The following BBS7 variants were observed in gnomAD, a reference collection of about 807,000 sequenced individuals.
BBS7 encodes the protein BBSome complex member BBS7.
BBS7 carries 50 observed loss-of-function variants against 90.3 expected under a neutral mutation model. The ratio of observed to expected loss-of-function variants is 0.55; its 90% confidence interval spans 0.44 to 0.70. The LOEUF is 0.70. Ranked by LOEUF, BBS7 falls within the 30% of genes least tolerant of loss-of-function variation. The pLI is 0.00. For synonymous variants in BBS7, 235 were observed against 287.4 expected, an observed-to-expected ratio of 0.82 and a Z score of 1.85; for missense variants, 729 against 838.9, an observed-to-expected ratio of 0.87 and a Z score of 1.62.
intron 14 of BBS7, among the ~76,000 whole-genome samples, chr4:121,834,549 T>G (rs1725352933): frequency 6.6e-6 from 1 of 152,236 alleles, no homozygotes; most frequent in African/African-American, 2.4e-5. Flanking sequence ...ATTTCTCATT[T>G]GTAAAATGGA....
At chr4:121,866,950 T>C (rs563564862) in intron 2 of BBS7, among the ~76,000 whole-genome samples, 1 of 152,318 alleles carries the variant, frequency 6.6e-6, no homozygotes, top group South Asian at 2.1e-4. Context: ...AGATTTTTTT[T>C]CTCTTCCTGT....
At chr4:121,852,914 T>C (rs770068689) in intron 8 of BBS7, 42 bp downstream of exon 8, 1 of 1,587,390 alleles carries the variant, frequency 6.3e-7, no homozygotes, top group African/African-American at 1.3e-5. Flanking sequence ...TCTATAATAA[T>C]TTGACAAATA....
intron 18 of BBS7, among the ~76,000 whole-genome samples, chr4:121,826,532 T>A (rs1055577266): frequency 6.6e-6 from 1 of 152,222 alleles, no homozygotes; most frequent in African/African-American, 2.4e-5. Flanking sequence ...TGATGCAAGA[T>A]GTATTTCAGA....
intron 5 of BBS7, among the ~76,000 whole-genome samples, chr4:121,855,826 A>ATATACACATATG (rs1726591670): frequency 6.6e-6 from 1 of 151,626 alleles, no homozygotes; most frequent in Non-Finnish European, 1.5e-5. Flanking sequence ...ATGTATACAT[A>ATATACACATATG]TATACACATA....
intron 3 of BBS7, 26 bp downstream of exon 3, chr4:121,863,191 T>C (rs773815876): frequency 1.2e-6 from 2 of 1,609,458 alleles, no homozygotes; most frequent in South Asian, 2.2e-5. Context: ...GAAAACCATT[T>C]TTCCCCTTCA....
chr4:121,853,296 A>G (rs779323176), intron 7 of BBS7, among the ~76,000 whole-genome samples: 11 of 152,066 alleles, frequency 7.2e-5, no homozygotes, highest in Non-Finnish European at 1.5e-4. Context: ...CCCTACATTT[A>G]TATCTCCCTC....
rs1189752370 is a variant in BBS7 at position 121,852,931 on chromosome 4, A to T, written c.849+25T>A. On this transcript the variant is annotated intron_variant, in intron 8 of 18. Coordinates refer to ENST00000264499, the MANE Select transcript of BBS7 (RefSeq NM_176824.3). ...TATAATAATTTGACAAATAATAAGCATATAGTCTTTTTTAATGAACTTACC... is the reference window on the plus strand; with the variant it reads ...TATAATAATTTGACAAATAATAAGCTTATAGTCTTTTTTAATGAACTTACC... The T allele has an allele frequency of 6.8e-6, 11 of 1,609,074 alleles. No homozygotes were observed. The East Asian group carries it at 2.2e-4, about 33-fold the overall frequency.
intron 8 of BBS7, 141 bp downstream of exon 8, chr4:121,852,815 A>G (rs1406245058): frequency 1.2e-6 from 1 of 850,156 alleles, no homozygotes; most frequent in Non-Finnish European, 1.8e-6. Context: ...TCTAGAGAAG[A>G]TTCTGATAAC....
chr4:121,863,904 A>G (rs1003176808), intron 2 of BBS7, among the ~76,000 whole-genome samples: 6 of 152,228 alleles, frequency 3.9e-5, no homozygotes, highest in Non-Finnish European at 8.8e-5. Flanking sequence ...TCAAAAGTAG[A>G]TATCAAACAA....
chr4:121,852,798 A>G (rs959839580), intron 8 of BBS7, among the ~76,000 whole-genome samples, 158 bp downstream of exon 8: 1 of 152,170 alleles, frequency 6.6e-6, no homozygotes, highest in Non-Finnish European at 1.5e-5. Context: ...TTCAAACACA[A>G]GAGAAGTCTA....
intron 12 of BBS7, among the ~76,000 whole-genome samples, chr4:121,842,580 G>A (rs1052490266): frequency 6.6e-6 from 1 of 151,834 alleles, no homozygotes; most frequent in Non-Finnish European, 1.5e-5. Flanking sequence ...AGGCTGCAGC[G>A]AGCCATGATC....
chr4:121,847,958 A>G (rs1726104103), intron 9 of BBS7, among the ~76,000 whole-genome samples: 1 of 152,140 alleles, frequency 6.6e-6, no homozygotes, highest in Non-Finnish European at 1.5e-5. Flanking sequence ...TGTCTCAAAA[A>G]AAAAGTTTTT....
intron 8 of BBS7, among the ~76,000 whole-genome samples, chr4:121,850,655 G>A (rs184271051): frequency 6.6e-6 from 1 of 152,060 alleles, no homozygotes; most frequent in East Asian, 1.9e-4. Context: ...TTTTAAAAAC[G>A]GCACTGGCAA....
chr4:121,849,544 CAA>C (rs2149073405), intron 8 of BBS7, among the ~76,000 whole-genome samples: 1 of 151,654 alleles, frequency 6.6e-6, no homozygotes, highest in East Asian at 1.9e-4. Flanking sequence ...CTTACATAAG[CAA>C]GGCTGGGCGC....
Position 121,845,685 on chromosome 4 carries a change from T to C in BBS7, c.1049A>G (p.Glu350Gly). 1 of 1,612,190 alleles carries C rather than the reference T, an allele frequency of 6.2e-7. No individual in the cohort carries two copies. Among genetic ancestry groups the C allele is most frequent in the Non-Finnish European group, 8.5e-7 (1 of 1,178,630 alleles). ...NKISSLRNEL[E>G]HLQYKVLQER... ...CTGCAATACCTTATACTGCAAATGT[T>C]CCAACTCATTCCTGGAGAAAAACAC... is the stretch of plus-strand genomic sequence containing the variant. The change falls in exon 11 of 19, where the codon GAA becomes GGA. Residue 350 changes from glutamate to glycine, a missense_variant. Coordinates refer to ENST00000264499, the MANE Select transcript of BBS7 (RefSeq NM_176824.3).
Position 121,852,959 on chromosome 4 carries a change from A to G in BBS7, c.846T>C (p.Asp282=), listed in dbSNP as rs756726859. 1 of 1,613,532 alleles carries G rather than the reference A, an allele frequency of 6.2e-7. No homozygotes were observed. Among genetic ancestry groups the G allele is most frequent in the African/African-American group, 1.3e-5 (1 of 74,918 alleles). The change falls in exon 8 of 19, where the codon GAT becomes GAC. Residue 282 remains aspartate (D), a synonymous_variant. Coordinates refer to ENST00000264499, the MANE Select transcript of BBS7 (RefSeq NM_176824.3). Reference sequence around the variant, plus strand: ...TAGTCTTTTTTAATGAACTTACCTGATCAAATCGTAGAACAGGTTCATTTG... The same window carrying G: ...TAGTCTTTTTTAATGAACTTACCTGGTCAAATCGTAGAACAGGTTCATTTG... ...DNANEPVLRF[D]QMLSESVTSI...
At chr4:121,856,195 T>C (rs1276120159) in intron 5 of BBS7, among the ~76,000 whole-genome samples, 1 of 152,194 alleles carries the variant, frequency 6.6e-6, no homozygotes, top group African/African-American at 2.4e-5. Flanking sequence ...AAGGAAAATT[T>C]TGGCCTTGCC....
In BBS7 at chr4:121,825,934, T is replaced by TA. The variant is rs1453499333; in HGVS notation, c.2073dup (p.Lys692Ter). ...AGAATTTCCAATAGAAGGGGTACTT[T>TA]AGTTTTTACATTGGTGCCTTTAAAC... On this transcript the variant is annotated frameshift_variant, in exon 19 of 19. Transcript: ENST00000264499. LOFTEE classifies it high-confidence loss of function. 1.2e-6 allele frequency: 2 copies of TA among 1,611,038 alleles called. No homozygotes were observed.
chr4:121,859,375 G>C (rs1726854667), intron 4 of BBS7, among the ~76,000 whole-genome samples, 197 bp from the exon 5 acceptor site: 1 of 152,008 alleles, frequency 6.6e-6, no homozygotes, highest in Non-Finnish European at 1.5e-5. Flanking sequence ...CTGAAAATGA[G>C]GATGTTAAGG....
Sources: gnomAD v4.1 joint callset for allele counts (sites outside exome capture counted in the v4.1 genomes callset) on GRCh38, gnomAD v4.1.1 for gene constraint, MANE v1.5 for transcripts, NCBI Gene and HGNC (gene_info 2026-07-23, HGNC 2026-07-21) for gene names.